The following CTNNA3 variants were observed in gnomAD, a reference collection of about 807,000 sequenced individuals.
CTNNA3 encodes catenin alpha 3.
CTNNA3 carries 76 observed loss-of-function variants against 95.7 expected under a neutral mutation model. That is an observed-to-expected ratio of 0.79 (90% CI 0.66 to 0.96). The LOEUF (loss-of-function observed/expected upper bound fraction) is 0.96. Ranked by LOEUF, CTNNA3 falls within the 40% of genes least tolerant of loss-of-function variation. The pLI, the probability that CTNNA3 is intolerant of heterozygous loss-of-function variation, is 0.00. For missense variants in CTNNA3, 1,191 were observed against 1,089.8 expected (o/e 1.09, Z -1.31); for synonymous variants, 431 against 374.4 (o/e 1.15, Z -1.74).
chr10:66,957,392 A>ATG (rs1848850755), intron 7 of CTNNA3, among the ~76,000 whole-genome samples: 1 of 89,468 alleles, frequency 1.1e-5, no homozygotes, highest in African/African-American at 6.0e-5. Context: ...GTATATATAT[A>ATG]CATATATATA....
chr10:66,510,320 A>G (rs1305310176), intron 11 of CTNNA3, among the ~76,000 whole-genome samples: 1 of 150,856 alleles, frequency 6.6e-6, no homozygotes, highest in Non-Finnish European at 1.5e-5. Context: ...TCTATTTATG[A>G]GAACATGTTG....
chr10:67,568,630 G>A (rs972794632), intron 3 of CTNNA3, among the ~76,000 whole-genome samples: 3 of 151,916 alleles, frequency 2.0e-5, no homozygotes, highest in Non-Finnish European at 4.4e-5. Context: ...TTTTACTGGT[G>A]TCCATTTTGG....
intron 9 of CTNNA3, among the ~76,000 whole-genome samples, chr10:66,655,083 T>G (rs1248352588): frequency 6.6e-6 from 1 of 152,076 alleles, no homozygotes; most frequent in Non-Finnish European, 1.5e-5. Context: ...GAAAGTATTT[T>G]GTGTTCTTAC....
chr10:66,669,953 T>C (rs76962593), intron 9 of CTNNA3, among the ~76,000 whole-genome samples: 3,013 of 152,146 alleles, frequency 0.02, 98 homozygotes, highest in African/African-American at 0.069. Context: ...AACAATTGCA[T>C]GAAAAATAGA....
At chr10:66,692,089 A>G (rs569345600) in intron 9 of CTNNA3, among the ~76,000 whole-genome samples, 5,148 of 152,294 alleles carry the variant, frequency 0.034, 296 homozygotes, top group African/African-American at 0.12. Flanking sequence ...GTTCCTCACC[A>G]GCAATGGAAC....
At chr10:67,079,499 A>C (rs759698533) in intron 7 of CTNNA3, among the ~76,000 whole-genome samples, 1 of 152,204 alleles carries the variant, frequency 6.6e-6, no homozygotes, top group Non-Finnish European at 1.5e-5. Context: ...ACAATAGAAA[A>C]GGCAAAGTAT....
At chr10:67,215,778 G>A (rs1428923001) in intron 6 of CTNNA3, among the ~76,000 whole-genome samples, 1 of 152,152 alleles carries the variant, frequency 6.6e-6, no homozygotes, top group Admixed American at 6.5e-5. Flanking sequence ...ACATGCAAAT[G>A]TATCTTACGG....
chr10:67,439,503 C>A (rs1481515830), intron 5 of CTNNA3, among the ~76,000 whole-genome samples: 1 of 152,104 alleles, frequency 6.6e-6, no homozygotes, highest in Non-Finnish European at 1.5e-5. Flanking sequence ...AACAACCAGA[C>A]CTCATGAGAA....
intron 15 of CTNNA3, among the ~76,000 whole-genome samples, chr10:66,046,946 G>A (rs1375144721): frequency 6.6e-6 from 1 of 151,996 alleles, no homozygotes; most frequent in Non-Finnish European, 1.5e-5. Context: ...TTGATTACCT[G>A]AACAGGTCAA....
intron 15 of CTNNA3, among the ~76,000 whole-genome samples, chr10:66,068,678 C>T (rs10509251): frequency 0.2 from 30,846 of 151,924 alleles, 3,530 homozygotes; most frequent in East Asian, 0.39. Context: ...AACTACACCA[C>T]GACTGAATTA....
At chr10:66,902,899 G>C (rs562109151) in intron 7 of CTNNA3, among the ~76,000 whole-genome samples, 21 of 135,102 alleles carry the variant, frequency 1.6e-4, no homozygotes, top group Non-Finnish European at 3.0e-4. Context: ...GCATACCAAC[G>C]AAAAAAGTCC....
chr10:67,735,176 G>C (rs954324926), intron 1 of CTNNA3, among the ~76,000 whole-genome samples: 139 of 133,616 alleles, frequency 1.0e-3, no homozygotes, highest in South Asian at 4.5e-3. Flanking sequence ...CACACACACA[G>C]GCTCTCTTAG....
intron 13 of CTNNA3, among the ~76,000 whole-genome samples, chr10:66,167,495 T>C (rs1361549594): frequency 1.3e-5 from 2 of 152,208 alleles, no homozygotes; most frequent in African/African-American, 4.8e-5. Context: ...TTGAAGTTCC[T>C]ACTTAGAAGT....
At chr10:65,976,687 A>G (rs1302814058) in intron 16 of CTNNA3, among the ~76,000 whole-genome samples, 1 of 152,182 alleles carries the variant, frequency 6.6e-6, no homozygotes, top group Admixed American at 6.5e-5. Flanking sequence ...TTTCTGAGTC[A>G]GTTTTGCTCA....
rs563813035 is a variant in CTNNA3 at position 67,363,907 on chromosome 10, T to G, written c.580-144037A>C. On this transcript the variant is annotated intron_variant, in intron 5 of 17. Transcript: ENST00000433211. ...CTCTTCCAGAGGTACAAAGAAGAGT[T>G]GGTACCATTCCTTCTGAAACAATTT... 3.7e-3 allele frequency among the ~76,000 whole-genome samples: 560 copies of G among 152,282 alleles called. 2 individuals carry two copies. The highest frequency in any genetic ancestry group is 0.013 in the African/African-American group (523 of 41,556).
At chr10:66,257,870 T>TA (rs1404087104) in intron 13 of CTNNA3, among the ~76,000 whole-genome samples, 1 of 152,184 alleles carries the variant, frequency 6.6e-6, no homozygotes, top group Admixed American at 6.5e-5. Context: ...CCCAAACACT[T>TA]ATACCCTTTT....
Position 67,237,132 on chromosome 10 carries a change from A to ATATATATATATATATATG in CTNNA3, c.580-17263_580-17262insCATATATATATATATATA, listed in dbSNP as rs1164920024. 3.8e-4 allele frequency among the ~76,000 whole-genome samples: 15 copies of ATATATATATATATATATG among 39,330 alleles called. 1 individual carries two copies. Among genetic ancestry groups the ATATATATATATATATATG allele is most frequent in the African/African-American group, 3.2e-3 (15 of 4,728 alleles). 25.8% of individuals were successfully genotyped at this position (39,330 alleles called of 152,430 possible). On this transcript the variant is annotated intron_variant, in intron 5 of 17. Transcript: ENST00000433211. ...TAAAGAAACTATGGTGTATGTATAT[A>ATATATATATATATATATG]TATATATATATATATATATATATAT... is the stretch of plus-strand genomic sequence containing the variant.
At chr10:66,302,238 T>A (rs888567261) in intron 12 of CTNNA3, among the ~76,000 whole-genome samples, 2 of 152,046 alleles carry the variant, frequency 1.3e-5, no homozygotes, top group Non-Finnish European at 2.9e-5. Flanking sequence ...ATGTCAGTCT[T>A]TCCCTACTTG....
chr10:66,845,495 G>C (rs12782920), intron 7 of CTNNA3, among the ~76,000 whole-genome samples: 13,680 of 151,446 alleles, frequency 0.09, 680 homozygotes, highest in African/African-American at 0.12. Flanking sequence ...CCTGAGGTCG[G>C]GAGTTCGAGA....
Sources: gnomAD v4.1 joint callset for allele counts (sites outside exome capture counted in the v4.1 genomes callset) on GRCh38, gnomAD v4.1.1 for gene constraint, MANE v1.5 for transcripts, NCBI Gene and HGNC (gene_info 2026-07-23, HGNC 2026-07-21) for gene names.